BCAS3: variants seen among roughly 807,000 people sequenced by gnomAD.
BCAS3 encodes the protein BCAS3 microtubule associated cell migration factor.
BCAS3 carries 53 observed loss-of-function variants against 116.1 expected under a neutral mutation model. That is an observed-to-expected ratio of 0.46 (90% CI 0.37 to 0.57). BCAS3 has a LOEUF of 0.57. BCAS3 is among the 20% of genes least tolerant of loss of function. The pLI is 0.00. For missense variants in BCAS3, 917 were observed against 1,165.4 expected (o/e 0.79, Z 3.10); for synonymous variants, 391 against 408.2 (o/e 0.96, Z 0.51).
Position 61,344,760 on chromosome 17 carries a change from G to A in BCAS3, c.2426-23567G>A, listed in dbSNP as rs1229089513. Among the ~76,000 whole-genome samples, 4 of 152,124 alleles carry A rather than the reference G, an allele frequency of 2.6e-5. No homozygotes were observed. Among genetic ancestry groups the A allele is most frequent in the Non-Finnish European group, 5.9e-5 (4 of 68,018 alleles). On this transcript the variant is annotated intron_variant, in intron 22 of 23. Transcript: ENST00000407086. This position sits in a 1 kb window ranked among gnomAD's most constrained non-coding sequence, Gnocchi z 4.1. ...GAGGGACTGAGGGAGGTTCATCATG[G>A]CTTACCAAAAGGAAGGGAGTGGGAG...
At chr17:61,263,383 G>A (rs753144717) in intron 22 of BCAS3, among the ~76,000 whole-genome samples, 1 of 152,340 alleles carries the variant, frequency 6.6e-6, no homozygotes, top group Middle Eastern at 3.4e-3. Flanking sequence ...GGACATAGGG[G>A]TGAGAGAGCC....
chr17:61,067,738 A>ATATATATATATATATAT, intron 19 of BCAS3, among the ~76,000 whole-genome samples: 1 of 139,186 alleles, frequency 7.2e-6, no homozygotes, highest in African/African-American at 3.1e-5. Flanking sequence ...AAAAAAAAAA[A>ATATATATATATATATAT]AAATATATAT....
rs1413814332 is a variant in BCAS3, at chr17:61,258,793, A to C, written c.2426-109534A>C. 6.6e-6 allele frequency among the ~76,000 whole-genome samples: 1 copy of C among 152,256 alleles called. No homozygotes were observed. Among genetic ancestry groups the C allele is most frequent in the Non-Finnish European group, 1.5e-5 (1 of 68,028 alleles). ...AGGCATCACTCTGTGGAAGAACCAC[A>C]GAACACTAGCTAAATATTGACAACT... On this transcript the variant is annotated intron_variant, in intron 22 of 23. Transcript: ENST00000407086. The surrounding 1 kb of genome is among the most constrained non-coding windows in gnomAD (Gnocchi z 4.7).
Position 60,797,685 on chromosome 17 carries a change from C to T in BCAS3, c.404-10319C>T, listed in dbSNP as rs867319220. Among the ~76,000 whole-genome samples the T allele has an allele frequency of 4.1e-4, 62 of 152,182 alleles. 1 individual carries two copies. The highest frequency in any genetic ancestry group is 1.3e-4 in the Admixed American group (2 of 15,284). On this transcript the variant is annotated intron_variant, in intron 6 of 23. Transcript: ENST00000407086. Reference sequence around the variant, plus strand: ...TCTCCTAATGCTATCCCTCTCCTAGCCCCCCACCTCCCGACAGGCCCTGGT... The same window carrying T: ...TCTCCTAATGCTATCCCTCTCCTAGTCCCCCACCTCCCGACAGGCCCTGGT...
At chr17:60,906,346 G>A (rs1314267882) in intron 11 of BCAS3, among the ~76,000 whole-genome samples, 1 of 152,144 alleles carries the variant, frequency 6.6e-6, no homozygotes, top group African/African-American at 2.4e-5. Flanking sequence ...CAATTTCAGG[G>A]ATTGAGATTA....
Position 61,322,422 on chromosome 17 carries a change from A to G in BCAS3, c.2426-45905A>G, listed in dbSNP as rs143765768. ...TTTTCTCCCCTCACCCTTGGTGAGG[A>G]CCAGCATTGCCTGCCAGGGTTACAC... On this transcript the variant is annotated intron_variant, in intron 22 of 23. Coordinates refer to ENST00000407086, the MANE Select transcript of BCAS3 (RefSeq NM_017679.5). 6.2e-3 allele frequency among the ~76,000 whole-genome samples: 943 copies of G among 152,300 alleles called. 14 individuals are homozygous for G. Among genetic ancestry groups the G allele is most frequent in the African/African-American group, 0.021 (887 of 41,576 alleles).
intron 5 of BCAS3, among the ~76,000 whole-genome samples, chr17:60,715,637 C>T (rs555833551): frequency 4.0e-5 from 6 of 151,624 alleles, no homozygotes; most frequent in African/African-American, 1.2e-4. Flanking sequence ...TACAGGTGCA[C>T]GCCCCATGTC....
At position 61,007,709 on chromosome 17, in the gene BCAS3, A is replaced by T. The variant is rs915925682; in HGVS notation, c.1487-8042A>T. Among the ~76,000 whole-genome samples, 1 of 129,786 alleles carries T rather than the reference A, an allele frequency of 7.7e-6. No individual in the cohort carries two copies. The highest frequency in any genetic ancestry group is 1.5e-5 in the Non-Finnish European group (1 of 64,774). The allele number at this position is 129,786 out of a possible 152,430, so 85.1% of individuals were successfully genotyped here. On this transcript the variant is annotated intron_variant, in intron 15 of 23. Transcript: ENST00000407086. This position sits in a 1 kb window ranked among gnomAD's most constrained non-coding sequence, Gnocchi z 4.3. ...AATAATCTCAATCCCCATCCTGTTT[A>T]AAAAAAAAAAAGAAAGATTGGATTC...
At chr17:61,311,458 T>C (rs2054299090) in intron 22 of BCAS3, among the ~76,000 whole-genome samples, 1 of 152,202 alleles carries the variant, frequency 6.6e-6, no homozygotes, top group South Asian at 2.1e-4. Context: ...GTCAGGCTGT[T>C]TGGTCTGTGA....
chr17:60,952,950 CT>C (rs2060924756), intron 14 of BCAS3, among the ~76,000 whole-genome samples: 1 of 151,698 alleles, frequency 6.6e-6, no homozygotes, highest in Non-Finnish European at 1.5e-5. Flanking sequence ...TGATCGCATT[CT>C]TTTTTATGAC....
intron 6 of BCAS3, among the ~76,000 whole-genome samples, chr17:60,754,680 T>TACACACACAC (rs772900751): frequency 5.2e-4 from 76 of 145,474 alleles, no homozygotes; most frequent in African/African-American, 2.0e-3. Context: ...AAATTTAAAA[T>TACACACACAC]ACACACACAC....
At chr17:60,872,448 C>T in intron 8 of BCAS3, among the ~76,000 whole-genome samples, 1 of 149,644 alleles carries the variant, frequency 6.7e-6, no homozygotes, top group African/African-American at 2.5e-5. Context: ...TGTATATATA[C>T]ACATACACAC....
Position 60,961,463 on chromosome 17 carries a change from C to T in BCAS3, c.1221+14111C>T, listed in dbSNP as rs887279021. 5.9e-5 allele frequency among the ~76,000 whole-genome samples: 9 copies of T among 151,830 alleles called. No individual in the cohort carries two copies. Among genetic ancestry groups the T allele is most frequent in the Admixed American group, 2.0e-4 (3 of 15,246 alleles). ...ATAGTCACATTAGCAGAATGAACCTCGAGATTACCCAGATGTAGTAAATTA... is the reference window on the plus strand; with the variant it reads ...ATAGTCACATTAGCAGAATGAACCTTGAGATTACCCAGATGTAGTAAATTA... On this transcript the variant is annotated intron_variant, in intron 14 of 23. Transcript: ENST00000407086. The surrounding 1 kb of genome is among the most constrained non-coding windows in gnomAD (Gnocchi z 4.8).
chr17:61,166,391 C>CTTT (rs748083151), intron 22 of BCAS3, among the ~76,000 whole-genome samples: 5 of 33,748 alleles, frequency 1.5e-4, no homozygotes, highest in African/African-American at 4.2e-4. Context: ...CTCTCTCTCT[C>CTTT]TTTTTTTTTT....
intron 9 of BCAS3, among the ~76,000 whole-genome samples, chr17:60,878,926 G>A (rs1311971609): frequency 6.6e-6 from 1 of 152,066 alleles, no homozygotes; most frequent in African/African-American, 2.4e-5. Context: ...GGAACAAAGG[G>A]TGCCACTTCA....
rs770357334 is a variant in BCAS3, at chr17:60,960,903, G to T, written c.1221+13551G>T. The stretch of plus-strand genomic sequence containing the variant: ...TATGTCATGGGGATCCATGCCATCA[G>T]ACAAGAGGACACTCCACAGATCTTT... On this transcript the variant is annotated intron_variant, in intron 14 of 23. Coordinates refer to ENST00000407086, the MANE Select transcript of BCAS3 (RefSeq NM_017679.5). This position sits in a 1 kb window ranked among gnomAD's most constrained non-coding sequence, Gnocchi z 4.1. 4.6e-5 allele frequency among the ~76,000 whole-genome samples: 7 copies of T among 151,680 alleles called. No individual in the cohort carries two copies. Among genetic ancestry groups the T allele is most frequent in the Non-Finnish European group, 7.4e-5 (5 of 67,990 alleles).
At chr17:61,253,359 A>G (rs1238737670) in intron 22 of BCAS3, among the ~76,000 whole-genome samples, 1 of 149,958 alleles carries the variant, frequency 6.7e-6, no homozygotes, top group Non-Finnish European at 1.5e-5. Flanking sequence ...TGGAGAGAAT[A>G]TATATATATA....
At chr17:60,996,340 T>C (rs764835078) in intron 15 of BCAS3, among the ~76,000 whole-genome samples, 5 of 152,176 alleles carry the variant, frequency 3.3e-5, no homozygotes, top group Admixed American at 6.5e-5. Context: ...GTAAGTTGTT[T>C]ATAGTGAAGA....
At chr17:61,109,283 TTGTGTGTGTGTG>T (rs113547904) in intron 22 of BCAS3, among the ~76,000 whole-genome samples, 4 of 145,348 alleles carry the variant, frequency 2.8e-5, no homozygotes, top group Admixed American at 6.9e-5. Context: ...AGTATTCCAT[TTGTGTGTGTGTG>T]TGTGTGTGTG....
Sources: gnomAD v4.1 joint callset for allele counts (sites outside exome capture counted in the v4.1 genomes callset) on GRCh38, gnomAD v4.1.1 for gene constraint, Gnocchi (gnomAD v3.1) non-coding constraint, MANE v1.5 for transcripts, NCBI Gene and HGNC (gene_info 2026-07-23, HGNC 2026-07-21) for gene names.